GRIA1: variants seen among roughly 807,000 people sequenced by gnomAD.
GRIA1 encodes the protein glutamate ionotropic receptor AMPA type subunit 1, also known as glutamate receptor 1.
In GRIA1, 31 loss-of-function variants were observed where a neutral mutation model predicts 99.2. That is an observed-to-expected ratio of 0.31 (90% CI 0.23 to 0.42). The LOEUF (loss-of-function observed/expected upper bound fraction) is 0.42. Among genes scored for constraint, GRIA1 ranks in the 10% least tolerant of loss-of-function variants. The pLI is 1.00. For missense variants in GRIA1, 782 were observed against 1,157.5 expected, an observed-to-expected ratio of 0.68 and a Z score of 4.71; for synonymous variants, 438 against 432.4, an observed-to-expected ratio of 1.01 and a Z score of -0.16.
At chr5:153,626,014 C>G (rs1348888385) in intron 2 of GRIA1, among the ~76,000 whole-genome samples, 2 of 152,172 alleles carry the variant, frequency 1.3e-5, no homozygotes, top group African/African-American at 2.4e-5. Flanking sequence ...GTCACATAAA[C>G]AAGGCCACCG....
chr5:153,622,611 T>C (rs1410101206), intron 2 of GRIA1, among the ~76,000 whole-genome samples: 2 of 152,212 alleles, frequency 1.3e-5, no homozygotes, highest in East Asian at 1.9e-4. Flanking sequence ...GTTAGCTCCA[T>C]AGCAGGCTTT....
intron 11 of GRIA1, among the ~76,000 whole-genome samples, chr5:153,719,215 T>C (rs975910970): frequency 7.9e-5 from 12 of 152,214 alleles, no homozygotes; most frequent in African/African-American, 2.7e-4. Flanking sequence ...TAGTTCTGCC[T>C]CTTACACTAA....
At chr5:153,701,016 A>T (rs1156245236) in intron 10 of GRIA1, among the ~76,000 whole-genome samples, 2 of 152,186 alleles carry the variant, frequency 1.3e-5, no homozygotes, top group African/African-American at 4.8e-5. Flanking sequence ...TACATGCTGC[A>T]GCTGGAGGCT....
At chr5:153,560,472 C>A (rs1181718301) in intron 2 of GRIA1, among the ~76,000 whole-genome samples, 1 of 152,080 alleles carries the variant, frequency 6.6e-6, no homozygotes, top group African/African-American at 2.4e-5. Context: ...AGGGAGGGAC[C>A]AGGTGGGAGG....
At chr5:153,582,583 G>A (rs1353894804) in intron 2 of GRIA1, among the ~76,000 whole-genome samples, 1 of 151,980 alleles carries the variant, frequency 6.6e-6, no homozygotes, top group East Asian at 1.9e-4. Flanking sequence ...CTGAATACGG[G>A]GACAGCTCCT....
At chr5:153,785,361 C>G (rs746554293) in intron 13 of GRIA1, among the ~76,000 whole-genome samples, 8 of 152,014 alleles carry the variant, frequency 5.3e-5, no homozygotes, top group African/African-American at 7.2e-5. Context: ...CCTCGAAGGC[C>G]CTTCCCCTAG....
At chr5:153,782,570 A>G (rs1764703701) in intron 13 of GRIA1, among the ~76,000 whole-genome samples, 1 of 152,204 alleles carries the variant, frequency 6.6e-6, no homozygotes, top group Non-Finnish European at 1.5e-5. Flanking sequence ...AGAAGGCACA[A>G]CCCACTAACA....
chr5:153,519,737 CT>C, intron 2 of GRIA1, among the ~76,000 whole-genome samples: 1 of 152,128 alleles, frequency 6.6e-6, no homozygotes, highest in Non-Finnish European at 1.5e-5. Flanking sequence ...ATCATCAAGT[CT>C]CTCTGTAGGA....
intron 2 of GRIA1, among the ~76,000 whole-genome samples, chr5:153,506,586 C>T (rs944232583): frequency 1.3e-5 from 2 of 152,092 alleles, no homozygotes; most frequent in African/African-American, 4.8e-5. Context: ...GCTCCAGCAT[C>T]CCTAATCTAT....
At chr5:153,674,401 T>C (rs780680066) in intron 5 of GRIA1, 99 bp from the exon 6 acceptor site, 37 of 1,314,736 alleles carry the variant, frequency 2.8e-5, no homozygotes, top group Non-Finnish European at 3.5e-5. Flanking sequence ...GTAGGTTTCA[T>C]CTGGTGGAAC....
chr5:153,638,743 C>A (rs928580740), intron 2 of GRIA1, among the ~76,000 whole-genome samples: 1 of 152,198 alleles, frequency 6.6e-6, no homozygotes, highest in African/African-American at 2.4e-5. Flanking sequence ...AATTACAGAA[C>A]CTAAACTAAT....
At chr5:153,567,112 G>T (rs1761710250) in intron 2 of GRIA1, among the ~76,000 whole-genome samples, 1 of 152,068 alleles carries the variant, frequency 6.6e-6, no homozygotes, top group African/African-American at 2.4e-5. Context: ...TTGTTGTTTA[G>T]CTTGTTTATT....
At chr5:153,800,034 G>T (rs1285092590) in intron 14 of GRIA1, among the ~76,000 whole-genome samples, 1 of 152,182 alleles carries the variant, frequency 6.6e-6, no homozygotes, top group African/African-American at 2.4e-5. Flanking sequence ...GTCCTTGGAG[G>T]CTATCCACAA....
intron 2 of GRIA1, 152 bp from the exon 3 acceptor site, chr5:153,646,776 A>G: frequency 1.3e-6 from 1 of 779,352 alleles, no homozygotes; most frequent in Non-Finnish European, 2.1e-6. Flanking sequence ...GGATGAATGG[A>G]TGGATTGGTT....
chr5:153,543,873 C>T (rs6893720), intron 2 of GRIA1, among the ~76,000 whole-genome samples: 70,552 of 151,690 alleles, frequency 0.47, 18,111 homozygotes, highest in Non-Finnish European at 0.59. Context: ...CCTCAGTGAG[C>T]TTTCAGTCGA....
intron 5 of GRIA1, among the ~76,000 whole-genome samples, chr5:153,672,831 T>C (rs1480917370): frequency 2.0e-5 from 3 of 152,096 alleles, no homozygotes; most frequent in Non-Finnish European, 2.9e-5. Flanking sequence ...TTTGGTGGTT[T>C]CCCCCAAGCC....
intron 5 of GRIA1, among the ~76,000 whole-genome samples, chr5:153,671,053 G>A (rs1348011682): frequency 6.6e-6 from 1 of 152,146 alleles, no homozygotes; most frequent in Non-Finnish European, 1.5e-5. Context: ...ATAGCTATGA[G>A]CTTGTTTTAT....
chr5:153,504,242 G>T (rs1755275269), intron 2 of GRIA1, among the ~76,000 whole-genome samples: 1 of 151,934 alleles, frequency 6.6e-6, no homozygotes, highest in Non-Finnish European at 1.5e-5. Context: ...GGACATGGGG[G>T]AGGAATAATT....
At chr5:153,723,595 C>T (rs1178019301) in intron 11 of GRIA1, among the ~76,000 whole-genome samples, 3 of 152,194 alleles carry the variant, frequency 2.0e-5, no homozygotes, top group Non-Finnish European at 2.9e-5. Flanking sequence ...GATTATATCC[C>T]CCACCTGGCT....
Sources: allele counts gnomAD v4.1 joint callset (sites outside exome capture counted in the v4.1 genomes callset), GRCh38; gene constraint gnomAD v4.1.1; transcripts MANE v1.5; gene names NCBI Gene and HGNC (gene_info 2026-07-23, HGNC 2026-07-21).